TRIM24: variants seen among roughly 807,000 people sequenced by gnomAD.
The protein encoded by TRIM24 is transcription intermediary factor 1-alpha.
In TRIM24, 29 loss-of-function variants were observed where a neutral mutation model predicts 123.9. The ratio of observed to expected loss-of-function variants is 0.23; its 90% confidence interval spans 0.17 to 0.32. TRIM24 has a LOEUF of 0.32. Ranked by LOEUF, TRIM24 falls within the 10% of genes least tolerant of loss-of-function variation. The probability of loss-of-function intolerance (pLI) is 1.00; values close to 1 mark genes in which losing one functional copy is unlikely to be tolerated. For synonymous variants in TRIM24, 456 were observed against 461.1 expected (o/e 0.99, Z 0.14); for missense variants, 932 against 1,295.3 (o/e 0.72, Z 4.31).
intron 1 of TRIM24, among the ~76,000 whole-genome samples, chr7:138,503,625 G>GTTT (rs35048476): frequency 7.4e-6 from 1 of 135,834 alleles, no homozygotes; most frequent in Admixed American, 7.4e-5. Context: ...TTATATTAGA[G>GTTT]TTTTTTTTTT....
intron 7 of TRIM24, among the ~76,000 whole-genome samples, chr7:138,549,708 G>A (rs1797171962): frequency 6.6e-6 from 1 of 152,134 alleles, no homozygotes; most frequent in Non-Finnish European, 1.5e-5. Flanking sequence ...GTTGATGATG[G>A]GAGAAAAGGA....
At chr7:138,508,366 G>T (rs1020873531) in intron 2 of TRIM24, among the ~76,000 whole-genome samples, 2 of 152,152 alleles carry the variant, frequency 1.3e-5, no homozygotes, top group African/African-American at 4.8e-5. Context: ...TCATCAGGAA[G>T]CATATGGTGT....
At chr7:138,546,321 C>A (rs563165395) in intron 7 of TRIM24, among the ~76,000 whole-genome samples, 1 of 152,232 alleles carries the variant, frequency 6.6e-6, no homozygotes. Context: ...ATAAAATCTT[C>A]AAAACACATC....
At chr7:138,551,434 C>G (rs753869097) in intron 8 of TRIM24, among the ~76,000 whole-genome samples, 11 of 152,184 alleles carry the variant, frequency 7.2e-5, no homozygotes, top group Non-Finnish European at 1.2e-4. Flanking sequence ...GTAGTCCCAG[C>G]TACTTGGAAG....
chr7:138,470,240 C>T (rs1431577012), intron 1 of TRIM24, among the ~76,000 whole-genome samples: 2 of 148,998 alleles, frequency 1.3e-5, no homozygotes, highest in African/African-American at 2.5e-5. Context: ...AGGCGATCCT[C>T]CTGCCTCAGC....
chr7:138,551,605 A>C (rs1390119283), intron 8 of TRIM24, among the ~76,000 whole-genome samples: 2 of 152,242 alleles, frequency 1.3e-5, no homozygotes, highest in African/African-American at 4.8e-5. Context: ...ATAGCTGATA[A>C]GAAAACATTC....
At chr7:138,533,563 G>A (rs1024806599) in intron 6 of TRIM24, among the ~76,000 whole-genome samples, 2 of 152,188 alleles carry the variant, frequency 1.3e-5, no homozygotes, top group African/African-American at 4.8e-5. Flanking sequence ...CAGGGATGAA[G>A]CCCACTTGAT....
chr7:138,461,754 T>A (rs773471663), intron 1 of TRIM24, among the ~76,000 whole-genome samples: 1 of 152,204 alleles, frequency 6.6e-6, no homozygotes, highest in Non-Finnish European at 1.5e-5. Context: ...TGGCGGTTTT[T>A]AAATTTTATT....
chr7:138,504,348 T>C lies in TRIM24; in HGVS notation c.423T>C (p.Asp141=). ...AATGTGCAGAGAGACACATCATAGA[T>C]AACTTTTTTGTGAAGGACACTACTG... The part of the protein sequence containing the change: ...SQECAERHII[D]NFFVKDTTEV... The change falls in exon 2 of 19, where the codon GAT becomes GAC. Residue 141 remains aspartate, a synonymous_variant. Transcript: ENST00000343526. The C allele has an allele frequency of 6.2e-7, 1 of 1,604,476 alleles. No homozygotes were observed. Among genetic ancestry groups the C allele is most frequent in the Non-Finnish European group, 8.5e-7 (1 of 1,176,070 alleles).
At chr7:138,519,446 T>G in intron 4 of TRIM24, 125 bp downstream of exon 4, 2 of 1,060,232 alleles carry the variant, frequency 1.9e-6, no homozygotes, top group Non-Finnish European at 2.7e-6. Flanking sequence ...TATGCTGGCC[T>G]GTACTGGGGT....
At chr7:138,575,075 T>C (rs555246642) in intron 12 of TRIM24, among the ~76,000 whole-genome samples, 1 of 152,312 alleles carries the variant, frequency 6.6e-6, no homozygotes, top group South Asian at 2.1e-4. Flanking sequence ...TGTAGAGTTT[T>C]TAATGGCATG....
Position 138,586,215 on chromosome 7 carries a change from C to G in TRIM24, c.*1264C>G. ...GATAGATAGAAGAAAATTGCTGTGC[C>G]ATACATTAATCCAGCATTTGACACA... On this transcript the variant is annotated 3_prime_UTR_variant, in exon 19 of 19. Coordinates refer to ENST00000343526, the MANE Select transcript of TRIM24 (RefSeq NM_015905.3). The G allele has an allele frequency of 4.7e-6, 1 of 214,804 alleles. No homozygotes were observed. Among genetic ancestry groups the G allele is most frequent in the Non-Finnish European group, 9.5e-6 (1 of 104,918 alleles). The allele number at this position is 214,804 out of a possible 1,614,324, so 13.3% of individuals were successfully genotyped here. A position where few individuals can be genotyped will look rare whatever the true frequency, so the allele number is the denominator to read the frequency against.
chr7:138,568,207 C>T (rs1797575134), intron 10 of TRIM24, among the ~76,000 whole-genome samples: 1 of 151,738 alleles, frequency 6.6e-6, no homozygotes, highest in Admixed American at 6.6e-5. Context: ...CAAACTCTGC[C>T]TCCTGGGTTC....
intron 6 of TRIM24, among the ~76,000 whole-genome samples, chr7:138,533,893 G>T (rs1017934940): frequency 6.6e-6 from 1 of 152,062 alleles, no homozygotes; most frequent in Non-Finnish European, 1.5e-5. Flanking sequence ...CAATTTCAGA[G>T]CCTGTTATTG....
At chr7:138,536,360 G>A (rs1314273611) in intron 6 of TRIM24, among the ~76,000 whole-genome samples, 1 of 152,094 alleles carries the variant, frequency 6.6e-6, no homozygotes, top group Non-Finnish European at 1.5e-5. Flanking sequence ...TCTACCTTTG[G>A]TCTTTGATGA....
chr7:138,463,989 CTTTTTTTTT>C (rs568562414), intron 1 of TRIM24, among the ~76,000 whole-genome samples: 581 of 50,786 alleles, frequency 0.011, 40 homozygotes, highest in African/African-American at 0.044. Context: ...AAAATTTAGA[CTTTTTTTTT>C]TTTTTTTTTT....
intron 5 of TRIM24, among the ~76,000 whole-genome samples, chr7:138,525,900 AATC>A (rs1563046285): frequency 6.6e-6 from 1 of 152,200 alleles, no homozygotes; most frequent in Non-Finnish European, 1.5e-5. Context: ...CTGGTAAGAA[AATC>A]ATCAACTGTC....
intron 2 of TRIM24, among the ~76,000 whole-genome samples, chr7:138,510,061 T>A (rs12112459): frequency 0.26 from 39,974 of 151,992 alleles, 6,076 homozygotes; most frequent in East Asian, 0.5. Context: ...TAGAGCTAGC[T>A]CCATTGTAGG....
Position 138,537,379 on chromosome 7 carries a change from G to GTTTTTTTTTT in TRIM24, c.997-1258_997-1249dup, listed in dbSNP as rs71177994. ...AACCACTCCTCCGCCACCCCTGTTT[G>GTTTTTTTTTT]TTTTTTTTTTTTTTTTTTTTTTTTT... On this transcript the variant is annotated intron_variant, in intron 6 of 18. Transcript: ENST00000343526. Among the ~76,000 whole-genome samples, 111 of 56,642 alleles carry GTTTTTTTTTT rather than the reference G, an allele frequency of 2.0e-3. 14 individuals carry two copies. Among genetic ancestry groups the GTTTTTTTTTT allele is most frequent in the African/African-American group, 2.8e-3 (39 of 14,010 alleles). The allele number at this position is 56,642 out of a possible 152,430, so 37.2% of individuals were successfully genotyped here. A position where few individuals can be genotyped will look rare whatever the true frequency, so the allele number is the denominator to read the frequency against.
Sources: allele counts gnomAD v4.1 joint callset (sites outside exome capture counted in the v4.1 genomes callset), GRCh38; gene constraint gnomAD v4.1.1; transcripts MANE v1.5; gene names NCBI Gene and HGNC (gene_info 2026-07-23, HGNC 2026-07-21).